The following DLGAP1 variants were observed in gnomAD, a reference collection of about 807,000 sequenced individuals.
DLGAP1 encodes the protein DLG associated protein 1, also known as disks large-associated protein 1.
Under a neutral mutation model 90.8 loss-of-function variants are expected in DLGAP1, and 11 were observed. That is an observed-to-expected ratio of 0.12 (90% CI 0.08 to 0.20). The LOEUF is 0.20. Among genes scored for constraint, DLGAP1 ranks in the 10% least tolerant of loss-of-function variants. DLGAP1 has a pLI of 1.00. For synonymous variants in DLGAP1, 558 were observed against 540.7 expected (o/e 1.03, Z -0.44); for missense variants, 1,050 against 1,333.8 (o/e 0.79, Z 3.31).
intron 5 of DLGAP1, among the ~76,000 whole-genome samples, chr18:3,759,970 G>A (rs1028802995): frequency 1.3e-5 from 2 of 152,200 alleles, no homozygotes; most frequent in African/African-American, 2.4e-5. Flanking sequence ...GGATGCCGGT[G>A]TATCCAAAGC....
At chr18:4,076,760 A>G (rs1437054238) in intron 2 of DLGAP1, among the ~76,000 whole-genome samples, 2 of 152,040 alleles carry the variant, frequency 1.3e-5, no homozygotes, top group South Asian at 2.1e-4. Context: ...AGTAGCTGGG[A>G]TTACAGGTGC....
intron 1 of DLGAP1, among the ~76,000 whole-genome samples, chr18:4,222,454 G>T (rs2078096199): frequency 6.6e-6 from 1 of 152,088 alleles, no homozygotes; most frequent in African/African-American, 2.4e-5. Flanking sequence ...CTGTACATCA[G>T]GGTAAAACTG....
intron 2 of DLGAP1, among the ~76,000 whole-genome samples, chr18:4,141,671 C>T (rs757171173): frequency 5.9e-5 from 9 of 151,726 alleles, no homozygotes; most frequent in Non-Finnish European, 1.2e-4. Context: ...TTCTTTTGTC[C>T]TTTCTGACTG....
chr18:3,569,227 C>T (rs554045192), intron 8 of DLGAP1, among the ~76,000 whole-genome samples: 2 of 151,870 alleles, frequency 1.3e-5, no homozygotes, highest in South Asian at 4.2e-4. Context: ...GTCTCGAACT[C>T]CTGACCTCGT....
At chr18:4,121,342 T>A (rs1367769129) in intron 2 of DLGAP1, among the ~76,000 whole-genome samples, 1 of 152,096 alleles carries the variant, frequency 6.6e-6, no homozygotes, top group East Asian at 1.9e-4. Context: ...GGACAAAGCA[T>A]CTTTGGTTGG....
chr18:3,636,062 C>A (rs2146248782), intron 7 of DLGAP1, among the ~76,000 whole-genome samples: 1 of 151,524 alleles, frequency 6.6e-6, no homozygotes, highest in Non-Finnish European at 1.5e-5. Context: ...TTCCTATTCT[C>A]TCCCCACATA....
chr18:4,122,527 T>C (rs1011506779), intron 2 of DLGAP1, among the ~76,000 whole-genome samples: 3 of 152,234 alleles, frequency 2.0e-5, no homozygotes, highest in African/African-American at 4.8e-5. Context: ...GGCAAGTCCC[T>C]GTGGAACTGT....
intron 8 of DLGAP1, among the ~76,000 whole-genome samples, chr18:3,568,193 C>T (rs1176618913): frequency 1.3e-5 from 2 of 152,128 alleles, no homozygotes; most frequent in African/African-American, 4.8e-5. Flanking sequence ...GCCACCACGC[C>T]CGGCCTGGAA....
chr18:3,803,037 T>C (rs2066385617), intron 5 of DLGAP1, among the ~76,000 whole-genome samples: 1 of 152,206 alleles, frequency 6.6e-6, no homozygotes, highest in Admixed American at 6.5e-5. Context: ...GTTTAGAAAC[T>C]GACTTTTTGG....
intron 7 of DLGAP1, chr18:3,656,291 C>T (rs1288407530): frequency 1.4e-5 from 7 of 514,272 alleles, no homozygotes; most frequent in African/African-American, 1.9e-5. Context: ...AACTAGGTCT[C>T]ATGGATGTCT....
chr18:4,428,151 G>A (rs528798200), intron 1 of DLGAP1, among the ~76,000 whole-genome samples: 14 of 152,292 alleles, frequency 9.2e-5, no homozygotes, highest in African/African-American at 2.9e-4. Flanking sequence ...ATGTCAAATT[G>A]TAATCTCCAG....
At position 3,502,609 on chromosome 18, in the gene DLGAP1, A is replaced by C; in HGVS notation, c.2608T>G (p.Leu870Val). ...TGCAGCATGTCCCAAAACCCCGCCA[A>C]ATCCTGGGAGGTGGGTCTTGGATGA... ...NAHPRPTSQD[L>V]AGFWDMLQLS... Residue 870 changes from leucine (L) to valine (V), a missense_variant, in exon 12 of 13, where the codon TTG becomes GTG. By Grantham distance (32) the Leu-to-Val change is conservative. Around this residue, in one of 2 missense-constraint regions of DLGAP1, gnomAD observed 565 missense variants for 879.7 expected, o/e 0.64. Transcript: ENST00000315677. 1 of 1,614,152 alleles carries C rather than the reference A, an allele frequency of 6.2e-7. No individual in the cohort carries two copies. The highest frequency in any genetic ancestry group is 1.1e-5 in the South Asian group (1 of 91,074).
intron 8 of DLGAP1, among the ~76,000 whole-genome samples, chr18:3,570,966 C>A (rs12954924): frequency 0.49 from 74,113 of 149,908 alleles, 19,351 homozygotes; most frequent in East Asian, 0.99. Context: ...ACAGAACAAA[C>A]CAAAACAAAA....
intron 1 of DLGAP1, among the ~76,000 whole-genome samples, chr18:4,338,093 TA>T (rs1340882649): frequency 6.6e-6 from 1 of 152,212 alleles, no homozygotes; most frequent in African/African-American, 2.4e-5. Context: ...TAGCATCCAT[TA>T]AAAAATTCCA....
intron 5 of DLGAP1, among the ~76,000 whole-genome samples, chr18:3,789,745 G>A (rs966833319): frequency 1.3e-5 from 2 of 152,126 alleles, no homozygotes; most frequent in Non-Finnish European, 2.9e-5. Flanking sequence ...AATATCCCTC[G>A]GCTGTGGCAT....
At chr18:3,720,423 G>A (rs568425441) in intron 7 of DLGAP1, among the ~76,000 whole-genome samples, 44 of 152,270 alleles carry the variant, frequency 2.9e-4, no homozygotes, top group African/African-American at 1.0e-3. Context: ...TTCAAATGCC[G>A]TTATAGTAAA....
At chr18:3,947,671 T>G (rs983231967) in intron 3 of DLGAP1, among the ~76,000 whole-genome samples, 1 of 152,240 alleles carries the variant, frequency 6.6e-6, no homozygotes, top group Non-Finnish European at 1.5e-5. Flanking sequence ...CCAATTTCAC[T>G]ACCATTTGTG....
At chr18:4,368,760 A>G (rs1335090866) in intron 1 of DLGAP1, among the ~76,000 whole-genome samples, 1 of 96,986 alleles carries the variant, frequency 1.0e-5, no homozygotes, top group African/African-American at 3.8e-5. Context: ...AGATAGTATA[A>G]TATTACTAAA....
chr18:4,032,491 T>C (rs1181443278), intron 2 of DLGAP1, among the ~76,000 whole-genome samples: 2 of 152,160 alleles, frequency 1.3e-5, no homozygotes, highest in African/African-American at 4.8e-5. Context: ...CCAGGTTTCT[T>C]TGTCCTTGAA....
Sources: allele counts gnomAD v4.1 joint callset (sites outside exome capture counted in the v4.1 genomes callset), GRCh38; gene constraint gnomAD v4.1.1; regional missense constraint gnomAD v4.1.1; transcripts MANE v1.5; gene names NCBI Gene and HGNC (gene_info 2026-07-23, HGNC 2026-07-21).